The following ADAMTS9 variants were observed in gnomAD, a reference collection of about 807,000 sequenced individuals.
ADAMTS9 encodes the protein ADAM metallopeptidase with thrombospondin type 1 motif 9, also known as A disintegrin and metalloproteinase with thrombospondin motifs 9.
A neutral mutation model predicts 257.1 loss-of-function variants in ADAMTS9; 107 were observed. The ratio of observed to expected loss-of-function variants is 0.42; its 90% CI spans 0.36 to 0.49. The LOEUF (loss-of-function observed/expected upper bound fraction) is 0.49, where lower values mean the gene tolerates loss of function less well. Ranked by LOEUF, ADAMTS9 falls within the 20% of genes least tolerant of loss-of-function variation. ADAMTS9 has a pLI of 0.03. For synonymous variants in ADAMTS9, 982 were observed against 880.9 expected (o/e 1.11, Z -2.03); for missense variants, 2,353 against 2,469.1 (o/e 0.95, Z 1.00).
intron 2 of ADAMTS9, among the ~76,000 whole-genome samples, 188 bp from the exon 3 acceptor site, chr3:64,681,551 G>A (rs777046353): frequency 3.3e-5 from 5 of 152,144 alleles, no homozygotes; most frequent in Admixed American, 1.3e-4. Flanking sequence ...TGTCATATCA[G>A]TATATTTTCT....
chr3:64,661,695 T>C (rs1701227314), intron 3 of ADAMTS9, among the ~76,000 whole-genome samples: 1 of 152,152 alleles, frequency 6.6e-6, no homozygotes, highest in South Asian at 2.1e-4. Flanking sequence ...CAGTGCCTGG[T>C]GGATATTTTC....
chr3:64,649,921 G>T (rs1700890919), intron 9 of ADAMTS9, 143 bp from the exon 10 acceptor site: 2 of 1,056,264 alleles, frequency 1.9e-6, no homozygotes, highest in Non-Finnish European at 2.6e-6. Context: ...TTACATCCAA[G>T]ATTAAATCCA....
At chr3:64,540,064 A>G (rs990528882) in intron 36 of ADAMTS9, among the ~76,000 whole-genome samples, 1 of 152,204 alleles carries the variant, frequency 6.6e-6, no homozygotes, top group East Asian at 1.9e-4. Flanking sequence ...ATCTTCCTAC[A>G]GTTCACTACA....
chr3:64,524,994 G>C (rs2082892742), intron 38 of ADAMTS9, among the ~76,000 whole-genome samples: 1 of 152,134 alleles, frequency 6.6e-6, no homozygotes, highest in Admixed American at 6.5e-5. Context: ...TCAGTTCAAA[G>C]CCCATTTCTT....
At chr3:64,613,167 C>A (rs1399691793) in intron 22 of ADAMTS9, among the ~76,000 whole-genome samples, 178 bp downstream of exon 22, 1 of 152,132 alleles carries the variant, frequency 6.6e-6, no homozygotes, top group Admixed American at 6.5e-5. Flanking sequence ...GGCAGCAATC[C>A]TTGGAAGGGG....
At chr3:64,561,323 T>G in intron 30 of ADAMTS9, 1 of 246,278 alleles carries the variant, frequency 4.1e-6, no homozygotes, top group East Asian at 7.0e-5. Context: ...CTGTTAAAGT[T>G]TTTTTTTTTT....
intron 21 of ADAMTS9, among the ~76,000 whole-genome samples, chr3:64,613,779 AT>A (rs1212961716): frequency 5.9e-5 from 9 of 152,286 alleles, no homozygotes; most frequent in African/African-American, 2.2e-4. Flanking sequence ...AACATTCATA[AT>A]TTTATAGCAT....
intron 23 of ADAMTS9, 128 bp from the exon 24 acceptor site, chr3:64,604,459 G>A (rs2084523527): frequency 4.7e-6 from 3 of 633,278 alleles, no homozygotes; most frequent in African/African-American, 3.7e-5. Context: ...GTGAATCTGG[G>A]CAAGTCACAT....
chr3:64,678,610 A>G (rs1278546625), intron 3 of ADAMTS9, among the ~76,000 whole-genome samples: 1 of 152,124 alleles, frequency 6.6e-6, no homozygotes, highest in Non-Finnish European at 1.5e-5. Flanking sequence ...GGGGGTTGGG[A>G]GGGAAGATGA....
intron 35 of ADAMTS9, 41 bp downstream of exon 35, chr3:64,541,279 A>C: frequency 6.2e-7 from 1 of 1,613,960 alleles, no homozygotes; most frequent in Non-Finnish European, 8.5e-7. Flanking sequence ...ATTTCCAGGG[A>C]TCTCCAGGCC....
In ADAMTS9 at chr3:64,640,296, C is replaced by G. The variant is rs1050668798; in HGVS notation, c.1856+1552G>C. Among the ~76,000 whole-genome samples the G allele has an allele frequency of 2.0e-5, 3 of 152,282 alleles. No individual in the cohort carries two copies. The East Asian group carries it at 5.8e-4, about 29-fold the overall frequency. On this transcript the variant is annotated intron_variant, in intron 12 of 39. Coordinates refer to ENST00000498707, the MANE Select transcript of ADAMTS9 (RefSeq NM_182920.2). ...GAGTACTGAGACCAGGGCTTGCAAA[C>G]CAGTTGCCTACAGCTATATTCTTTT...
chr3:64,517,366 A>G (rs1007037379), intron 39 of ADAMTS9, among the ~76,000 whole-genome samples: 1 of 146,322 alleles, frequency 6.8e-6, no homozygotes, highest in Non-Finnish European at 1.5e-5. Flanking sequence ...CAGCCTCCCA[A>G]GTAGCTGGGT....
At chr3:64,528,493 C>G (rs2082937908) in intron 38 of ADAMTS9, among the ~76,000 whole-genome samples, 1 of 152,112 alleles carries the variant, frequency 6.6e-6, no homozygotes, top group East Asian at 1.9e-4. Context: ...CCTAGCTGAG[C>G]TGGTGCAGCT....
In ADAMTS9 at chr3:64,515,891, G is replaced by A. The variant is rs1226669068; in HGVS notation, c.*1236C>T. 2.0e-5 allele frequency: 3 copies of A among 152,076 alleles called. No homozygotes were observed. Among genetic ancestry groups the A allele is most frequent in the African/African-American group, 4.8e-5 (2 of 41,404 alleles). 9.4% of individuals were successfully genotyped at this position (152,076 alleles called of 1,614,324 possible). ...AAGGCTTCCCTTCATCAGCTTGGAG[G>A]GGCAGAAAGACCATGGCTTCAGCAC... is the stretch of plus-strand genomic sequence containing the variant. On this transcript the variant is annotated 3_prime_UTR_variant, in exon 40 of 40. Transcript: ENST00000498707.
rs1162709597 is a variant in ADAMTS9, at chr3:64,546,802, C to A, written c.5020G>T (p.Asp1674Tyr). 6 of 1,613,110 alleles carry A rather than the reference C, an allele frequency of 3.7e-6. No homozygotes were observed. Among genetic ancestry groups the A allele is most frequent in the Non-Finnish European group, 5.1e-6 (6 of 1,179,504 alleles). The change falls in exon 32 of 40, where the codon GAC becomes TAC. Residue 1674 changes from aspartate (D) to tyrosine (Y), a missense_variant. Around this residue, in one of 3 missense-constraint regions of ADAMTS9, gnomAD observed 1,402 missense variants for 1,441.4 expected, o/e 0.97. Coordinates refer to ENST00000498707, the MANE Select transcript of ADAMTS9 (RefSeq NM_182920.2). ...CTCCAGGTGGCCGAGACAGGGCAGT[C>A]CCTCAGGTAACAGGGGTGAACACTG... is the stretch of plus-strand genomic sequence containing the variant. ...PPSVHPCYLR[D>Y]CPVSATWRVG... is the part of the protein sequence containing the mutation.
chr3:64,613,483 A>T lies in ADAMTS9; in HGVS notation c.3216T>A (p.His1072Gln). Residue 1072 changes from histidine (H) to glutamine (Q), a missense_variant, in exon 22 of 40, where the codon CAT (histidine) becomes CAA (glutamine). By Grantham distance (24) the His-to-Gln change is conservative. This residue lies in a region of ADAMTS9 where 1,402 missense variants were observed against 1,441.4 expected (regional missense o/e 0.97). Coordinates refer to ENST00000498707, the MANE Select transcript of ADAMTS9 (RefSeq NM_182920.2). ...ACTGACACCAGACCTGGCGGTGCTT[A>T]TGCCCTTTTCCACAGGTGACCAAGC... Reference protein sequence around the residue: ...SECLVTCGKGHKHRQVWCQFG... With the variant: ...SECLVTCGKGQKHRQVWCQFG... The T allele has an allele frequency of 6.2e-7, 1 of 1,613,838 alleles. No individual in the cohort carries two copies. Among genetic ancestry groups the T allele is most frequent in the Non-Finnish European group, 8.5e-7 (1 of 1,179,822 alleles).
Position 64,596,952 on chromosome 3 carries a change from C to G in ADAMTS9, c.4057G>C (p.Val1353Leu). Residue 1353 changes from valine (V) to leucine (L), a missense_variant, in exon 27 of 40, where the codon GTT becomes CTT. By Grantham distance (32) the Val-to-Leu change is conservative. This residue lies in a region of ADAMTS9 where 1,402 missense variants were observed against 1,441.4 expected (regional missense o/e 0.97). Transcript: ENST00000498707. ...TATCCATTTTCATCCTGACATACAA[C>G]AACACGCCGCTGGGATCCGCCAGCA... ...TCAGGSQRRV[V>L]VCQDENGYTA... 6.2e-7 allele frequency: 1 copy of G among 1,613,510 alleles called. No homozygotes were observed. The highest frequency in any genetic ancestry group is 1.1e-5 in the South Asian group (1 of 91,048).
chr3:64,523,276 T>C (rs942317704), intron 38 of ADAMTS9, among the ~76,000 whole-genome samples: 1 of 152,212 alleles, frequency 6.6e-6, no homozygotes, highest in African/African-American at 2.4e-5. Context: ...TGGTTTTCAC[T>C]GGCTCTTAAT....
intron 19 of ADAMTS9, 135 bp downstream of exon 19, chr3:64,620,979 G>T: frequency 1.8e-6 from 2 of 1,140,214 alleles, no homozygotes; most frequent in African/African-American, 1.6e-5. Flanking sequence ...TGGAGAATTG[G>T]TTAAAGCTTA....
Sources: gnomAD v4.1 joint callset for allele counts (sites outside exome capture counted in the v4.1 genomes callset) on GRCh38, gnomAD v4.1.1 for gene constraint, gnomAD v4.1.1 regional missense constraint, MANE v1.5 for transcripts, NCBI Gene and HGNC (gene_info 2026-07-23, HGNC 2026-07-21) for gene names.